RBFOX3: variants seen among roughly 807,000 people sequenced by gnomAD.
RBFOX3 encodes RNA binding protein fox-1 homolog 3.
A neutral mutation model predicts 48.7 loss-of-function variants in RBFOX3; 17 were observed. The observed-to-expected ratio is 0.35, with a 90% confidence interval of 0.24 to 0.52. The LOEUF is 0.52. Ranked by LOEUF, RBFOX3 falls within the 20% of genes least tolerant of loss-of-function variation. RBFOX3 has a pLI of 0.94. For missense variants in RBFOX3, 382 were observed against 497.5 expected (o/e 0.77, Z 2.21); for synonymous variants, 212 against 209.5 (o/e 1.01, Z -0.10).
At chr17:79,248,474 A>C (rs2063483727) in intron 3 of RBFOX3, among the ~76,000 whole-genome samples, 2 of 152,154 alleles carry the variant, frequency 1.3e-5, no homozygotes, top group Non-Finnish European at 2.9e-5. Context: ...ATTCACTTGC[A>C]CCAAGATGCC....
intron 2 of RBFOX3, among the ~76,000 whole-genome samples, chr17:79,463,109 ATCGCCACTG>A: frequency 6.7e-6 from 1 of 148,602 alleles, no homozygotes; most frequent in African/African-American, 2.5e-5. Context: ...CTCCACCGCC[ATCGCCACTG>A]CCATCGCCAC....
intron 4 of RBFOX3, among the ~76,000 whole-genome samples, chr17:79,136,904 T>G (rs2040340023): frequency 6.6e-6 from 1 of 151,996 alleles, no homozygotes; most frequent in South Asian, 2.1e-4. Context: ...TAAGCCAGAG[T>G]GGACGATTCA....
rs184421244 is a variant in RBFOX3, at chr17:79,228,839, C to G, written c.-34+6927G>C. 3.0e-3 allele frequency among the ~76,000 whole-genome samples: 458 copies of G among 152,316 alleles called. 2 individuals carry two copies. Among genetic ancestry groups the G allele is most frequent in the Non-Finnish European group, 5.3e-3 (362 of 68,036 alleles). On this transcript the variant is annotated intron_variant, in intron 4 of 14. Transcript: ENST00000693108. ...GTGCGCATACCAAGCGCTCCTGCCA[C>G]CTGACTCATTACAAAACACTCTGGT...
intron 2 of RBFOX3, among the ~76,000 whole-genome samples, chr17:79,365,474 A>G (rs1055512414): frequency 5.3e-5 from 8 of 152,272 alleles, no homozygotes; most frequent in Non-Finnish European, 1.2e-4. Context: ...TTAATAGTAC[A>G]TTTAATTCAT....
chr17:79,544,638 C>T (rs1164465159), intron 1 of RBFOX3, among the ~76,000 whole-genome samples: 1 of 152,040 alleles, frequency 6.6e-6, no homozygotes, highest in Admixed American at 6.5e-5. Context: ...CCTGCCCCAC[C>T]ACAACCACCA....
At chr17:79,283,499 C>T (rs965640604) in intron 3 of RBFOX3, among the ~76,000 whole-genome samples, 1 of 152,162 alleles carries the variant, frequency 6.6e-6, no homozygotes, top group Non-Finnish European at 1.5e-5. Context: ...GAACTCCTGA[C>T]CTCAAGTGAT....
At chr17:79,620,420 C>T in the RBFOX3 span, among the ~76,000 whole-genome samples, 1 of 151,448 alleles carries the variant, frequency 6.6e-6, no homozygotes, top group Non-Finnish European at 1.5e-5. Flanking sequence ...CGGACATGCA[C>T]ACACGCACGT....
At chr17:79,270,460 G>A (rs2067462507) in intron 3 of RBFOX3, among the ~76,000 whole-genome samples, 1 of 152,154 alleles carries the variant, frequency 6.6e-6, no homozygotes, top group Non-Finnish European at 1.5e-5. Context: ...CCAAACACCT[G>A]TGACCCATCC....
At chr17:79,300,156 G>C (rs1677214061) in intron 3 of RBFOX3, among the ~76,000 whole-genome samples, 1 of 152,122 alleles carries the variant, frequency 6.6e-6, no homozygotes, top group South Asian at 2.1e-4. Context: ...CACCCAACTT[G>C]TCCTCCAAAA....
At chr17:79,587,747 C>T (rs1048392120) in intron 1 of RBFOX3, among the ~76,000 whole-genome samples, 248 of 152,276 alleles carry the variant, frequency 1.6e-3, no homozygotes, top group South Asian at 0.013. Context: ...GATCGAGGTC[C>T]CACTTGGAGG....
chr17:79,635,100 A>AAAAAAAAAAAC, the RBFOX3 span, among the ~76,000 whole-genome samples: 1 of 127,548 alleles, frequency 7.8e-6, no homozygotes, highest in African/African-American at 3.0e-5. Context: ...AAAAAAAAAA[A>AAAAAAAAAAAC]ACGTTGGCAC....
intron 2 of RBFOX3, among the ~76,000 whole-genome samples, chr17:79,358,521 C>T (rs1050161939): frequency 2.6e-5 from 4 of 152,182 alleles, no homozygotes; most frequent in Non-Finnish European, 5.9e-5. Context: ...AGTGCAGTGG[C>T]ATGATCTCGG....
intron 2 of RBFOX3, among the ~76,000 whole-genome samples, chr17:79,340,298 C>CAAAA (rs57048189): frequency 6.8e-5 from 8 of 117,734 alleles, no homozygotes; most frequent in Admixed American, 8.0e-5. Context: ...GACTCCATCT[C>CAAAA]AAAAAAAAAA....
At position 79,299,079 on chromosome 17, in the gene RBFOX3, C is replaced by T. The variant is rs894803919; in HGVS notation, c.-74+8645G>A. Among the ~76,000 whole-genome samples the T allele has an allele frequency of 3.3e-5, 5 of 151,354 alleles. No homozygotes were observed. The highest frequency in any genetic ancestry group is 1.2e-4 in the African/African-American group (5 of 41,154). On this transcript the variant is annotated intron_variant, in intron 3 of 14. Coordinates refer to ENST00000693108, the MANE Select transcript of RBFOX3 (RefSeq NM_001350451.2). The surrounding 1 kb of genome is among the most constrained non-coding windows in gnomAD (Gnocchi z 4.5). ...AAATCCTCCCTGGCAGCAGATGCGG[C>T]TGGCCTCGGAAATACGGGAGGGACA...
chr17:79,651,748 C>A, the RBFOX3 span, among the ~76,000 whole-genome samples: 1 of 112,510 alleles, frequency 8.9e-6, no homozygotes, highest in African/African-American at 3.2e-5. Context: ...TCTCTCTCTG[C>A]CTTTCTCTCT....
At chr17:79,580,056 C>G (rs1184105760) in intron 1 of RBFOX3, among the ~76,000 whole-genome samples, 2 of 152,008 alleles carry the variant, frequency 1.3e-5, no homozygotes, top group African/African-American at 2.4e-5. Flanking sequence ...CAGCTGGTCC[C>G]TCCGAGGTAA....
intron 14 of RBFOX3, among the ~76,000 whole-genome samples, chr17:79,093,567 G>A (rs2074444629): frequency 6.6e-6 from 1 of 150,506 alleles, no homozygotes; most frequent in South Asian, 2.1e-4. Context: ...AAAAAAAATT[G>A]GAGGGAGTCA....
At chr17:79,620,583 A>G in the RBFOX3 span, among the ~76,000 whole-genome samples, 4 of 93,950 alleles carry the variant, frequency 4.3e-5, no homozygotes, top group East Asian at 4.6e-4. Context: ...GCACACACGC[A>G]CGCACACACA....
intron 1 of RBFOX3, among the ~76,000 whole-genome samples, chr17:79,569,430 C>T (rs966817234): frequency 5.9e-5 from 9 of 152,184 alleles, no homozygotes; most frequent in Non-Finnish European, 8.8e-5. Context: ...TCTATGGCTA[C>T]GCACTATTCC....
Sources: gnomAD v4.1 joint callset for allele counts (sites outside exome capture counted in the v4.1 genomes callset) on GRCh38, gnomAD v4.1.1 for gene constraint, Gnocchi (gnomAD v3.1) non-coding constraint, MANE v1.5 for transcripts, NCBI Gene and HGNC (gene_info 2026-07-23, HGNC 2026-07-21) for gene names.